The following UPP2 variants were observed in gnomAD, a reference collection of about 807,000 sequenced individuals.
UPP2 encodes the protein UPase 2.
Under a neutral mutation model 26.7 loss-of-function variants are expected in UPP2, and 23 were observed. That is an observed-to-expected ratio of 0.86 (90% CI 0.62 to 1.22). The LOEUF (loss-of-function observed/expected upper bound fraction) is 1.22. Among genes scored for constraint, UPP2 ranks in the 50% most tolerant of loss-of-function variants. The pLI, the probability that UPP2 is intolerant of heterozygous loss-of-function variation, is 0.00. For synonymous variants in UPP2, 127 were observed against 141.3 expected, an observed-to-expected ratio of 0.90 and a Z score of 0.72; for missense variants, 387 against 396.7, an observed-to-expected ratio of 0.98 and a Z score of 0.21.
chr2:158,116,836 C>T (rs114346427), intron 3 of UPP2, among the ~76,000 whole-genome samples: 2,146 of 152,272 alleles, frequency 0.014, 55 homozygotes, highest in African/African-American at 0.048. Flanking sequence ...AATACAAGTT[C>T]GATGCCTGGC....
At position 158,123,900 on chromosome 2, in the gene UPP2, G is replaced by A. The variant is rs771254937; in HGVS notation, c.811+5G>A. 7 of 1,611,988 alleles carry A rather than the reference G, an allele frequency of 4.3e-6. No homozygotes were observed. The highest frequency in any genetic ancestry group is 5.9e-6 in the Non-Finnish European group (7 of 1,178,948). On this transcript the variant is annotated splice_donor_5th_base_variant and intron_variant, in intron 6 of 6. Transcript: ENST00000005756. ...GTGGACTCTGTGGTCTAAAAGGTAA[G>A]CTTTTCGTGAATGCTTAGGGTCAAA...
chr2:158,047,974 T>C (rs1256439919), intron 3 of UPP2, among the ~76,000 whole-genome samples: 1 of 152,036 alleles, frequency 6.6e-6, no homozygotes, highest in Non-Finnish European at 1.5e-5. Context: ...GAGAAGTATG[T>C]ACAGTGAGCA....
At chr2:158,034,209 T>C (rs1023381450) in intron 3 of UPP2, among the ~76,000 whole-genome samples, 1 of 152,180 alleles carries the variant, frequency 6.6e-6, no homozygotes, top group African/African-American at 2.4e-5. Flanking sequence ...CCTGCATGCA[T>C]TTTTACCATC....
intron 3 of UPP2, among the ~76,000 whole-genome samples, chr2:158,072,894 A>G (rs1396061259): frequency 5.9e-5 from 9 of 152,064 alleles, no homozygotes; most frequent in Non-Finnish European, 1.0e-4. Flanking sequence ...GTAGACTACA[A>G]TGAGTACCTA....
intron 3 of UPP2, among the ~76,000 whole-genome samples, chr2:158,058,414 CCA>C (rs1558917358): frequency 4.3e-5 from 2 of 46,672 alleles, no homozygotes; most frequent in African/African-American, 3.7e-4. Context: ...CTCTCTCCCC[CCA>C]ACCTGTGTGT....
chr2:158,131,603 C>T (rs191794782), intron 6 of UPP2, among the ~76,000 whole-genome samples: 5 of 152,284 alleles, frequency 3.3e-5, no homozygotes, highest in African/African-American at 1.2e-4. Context: ...CAGGGTGCAT[C>T]CAAGCTCCAT....
At chr2:158,054,866 TCA>T (rs939703963) in intron 3 of UPP2, among the ~76,000 whole-genome samples, 11 of 152,220 alleles carry the variant, frequency 7.2e-5, no homozygotes, top group African/African-American at 2.7e-4. Context: ...TTAAATAAAT[TCA>T]CAGTGTTGTG....
chr2:158,010,588 G>A (rs1160009961), intron 2 of UPP2, among the ~76,000 whole-genome samples: 1 of 152,146 alleles, frequency 6.6e-6, no homozygotes, highest in Non-Finnish European at 1.5e-5. Context: ...CAGGAAAGAA[G>A]AACGGGTATG....
At chr2:158,017,646 G>C (rs1325871078) in intron 3 of UPP2, among the ~76,000 whole-genome samples, 2 of 152,188 alleles carry the variant, frequency 1.3e-5, no homozygotes, top group African/African-American at 4.8e-5. Context: ...CATACTCTCA[G>C]TATCTGGTTT....
At chr2:158,094,916 A>G (rs1050811640) in intron 3 of UPP2, among the ~76,000 whole-genome samples, 3 of 152,084 alleles carry the variant, frequency 2.0e-5, no homozygotes, top group African/African-American at 7.2e-5. Flanking sequence ...GTACTTCATG[A>G]TCTGGTTAAG....
At chr2:158,113,393 A>G (rs780729637) in intron 2 of UPP2, among the ~76,000 whole-genome samples, 1 of 152,246 alleles carries the variant, frequency 6.6e-6, no homozygotes, top group Non-Finnish European at 1.5e-5. Context: ...TCTAAGAATT[A>G]TCAATAACTA....
At chr2:158,133,668 T>C (rs1683872155) in intron 6 of UPP2, 1 of 152,202 alleles carries the variant, frequency 6.6e-6, no homozygotes, top group Non-Finnish European at 1.5e-5. Flanking sequence ...AAAGATAGCA[T>C]GTACTATTAT....
Position 157,995,374 on chromosome 2 carries a change from G to C in UPP2, c.61+115G>C, listed in dbSNP as rs1683309200. On this transcript the variant is annotated intron_variant, in intron 2 of 9. Transcript: ENST00000605860. ...TGTGGTTGATGTTTTCCACATTTCA[G>C]CTTCCATCAACTGGCACAAATAATT... The C allele has an allele frequency of 1.3e-5, 15 of 1,171,908 alleles. No homozygotes were observed. The South Asian group carries it at 1.9e-4, about 15-fold the overall frequency. The allele number at this position is 1,171,908 out of a possible 1,614,324, so 72.6% of individuals were successfully genotyped here.
intron 3 of UPP2, among the ~76,000 whole-genome samples, chr2:158,022,190 T>C (rs899243698): frequency 1.3e-5 from 2 of 152,220 alleles, no homozygotes; most frequent in Non-Finnish European, 2.9e-5. Context: ...CCATGTGCGG[T>C]GGCTCATGCC....
chr2:158,115,345 T>G, intron 3 of UPP2, 86 bp downstream of exon 3: 1 of 1,446,952 alleles, frequency 6.9e-7, no homozygotes, highest in Non-Finnish European at 9.2e-7. Flanking sequence ...TCTTTTTCCC[T>G]CCAGCTTCGC....
chr2:158,015,706 T>C, intron 2 of UPP2: 1 of 433,696 alleles, frequency 2.3e-6, no homozygotes, highest in Admixed American at 2.4e-5. Context: ...TTGCTGTTCT[T>C]GTGATAGTGA....
chr2:158,038,926 T>C (rs982929702), intron 3 of UPP2, among the ~76,000 whole-genome samples: 1 of 152,156 alleles, frequency 6.6e-6, no homozygotes, highest in Non-Finnish European at 1.5e-5. Context: ...ATTTTCCCCA[T>C]GAGGGAAATG....
chr2:158,029,955 G>C (rs1347262217), intron 3 of UPP2, among the ~76,000 whole-genome samples: 2 of 152,090 alleles, frequency 1.3e-5, no homozygotes, highest in Admixed American at 1.3e-4. Flanking sequence ...ATTCCTTAGG[G>C]TAGTCCTTCA....
chr2:158,096,814 T>A (rs1682993377), intron 3 of UPP2, among the ~76,000 whole-genome samples: 1 of 152,042 alleles, frequency 6.6e-6, no homozygotes, highest in African/African-American at 2.4e-5. Context: ...AAGGTAAAAT[T>A]TTTAAGCAGA....
Sources: gnomAD v4.1 joint callset for allele counts (sites outside exome capture counted in the v4.1 genomes callset) on GRCh38, gnomAD v4.1.1 for gene constraint, MANE v1.5 for transcripts, NCBI Gene and HGNC (gene_info 2026-07-23, HGNC 2026-07-21) for gene names.